The following GLRB variants were observed in gnomAD, a reference collection of about 807,000 sequenced individuals.
GLRB encodes glycine receptor beta, also known as glycine receptor subunit beta.
In GLRB, 33 loss-of-function variants were observed where a neutral mutation model predicts 54.2. That is an observed-to-expected ratio of 0.61 (90% CI 0.46 to 0.81). The LOEUF (loss-of-function observed/expected upper bound fraction) is 0.81, where lower values mean the gene tolerates loss of function less well. Ranked by LOEUF, GLRB falls within the 40% of genes least tolerant of loss-of-function variation. The pLI is 0.00. For synonymous variants in GLRB, 209 were observed against 208.2 expected, an observed-to-expected ratio of 1.00 and a Z score of -0.03; for missense variants, 572 against 584.6, an observed-to-expected ratio of 0.98 and a Z score of 0.22.
intron 9 of GLRB, among the ~76,000 whole-genome samples, chr4:157,162,694 G>A (rs1398077975): frequency 6.6e-6 from 1 of 152,162 alleles, no homozygotes; most frequent in African/African-American, 2.4e-5. Flanking sequence ...CCTTCCTCTG[G>A]AGGGTTCGTC....
intron 2 of GLRB, among the ~76,000 whole-genome samples, chr4:157,108,437 T>C (rs1383244690): frequency 6.8e-6 from 1 of 147,824 alleles, no homozygotes; most frequent in Admixed American, 6.8e-5. Flanking sequence ...AGAAGTTGAT[T>C]ATAACTTTTT....
rs186144827 is a variant in GLRB, at chr4:157,101,338, A to G, written c.123-19218A>G. Among the ~76,000 whole-genome samples, 1,432 of 152,242 alleles carry G rather than the reference A, an allele frequency of 9.4e-3. 10 individuals carry two copies. Among genetic ancestry groups the G allele is most frequent in the Non-Finnish European group, 0.014 (958 of 67,990 alleles). ...ATGTTCTGAATTGTTCTAAAATACA[A>G]TGTAGTATATTCCATATTTTATCTT... On this transcript the variant is annotated intron_variant, in intron 2 of 9. Transcript: ENST00000264428.
chr4:157,079,250 TA>T (rs1734144853), intron 2 of GLRB, among the ~76,000 whole-genome samples: 2 of 152,234 alleles, frequency 1.3e-5, no homozygotes, highest in African/African-American at 4.8e-5. Context: ...CATCTTCAAT[TA>T]ATATTTCTCA....
intron 9 of GLRB, among the ~76,000 whole-genome samples, chr4:157,169,277 A>T (rs554621280): frequency 6.6e-6 from 1 of 152,282 alleles, no homozygotes; most frequent in African/African-American, 2.4e-5. Flanking sequence ...GGTGAATAGC[A>T]AAACTCAATG....
chr4:157,118,381 G>T (rs1324535205), intron 2 of GLRB, among the ~76,000 whole-genome samples: 1 of 151,526 alleles, frequency 6.6e-6, no homozygotes, highest in African/African-American at 2.4e-5. Flanking sequence ...TCCCACGTGC[G>T]CTCATTCTCT....
chr4:157,168,511 A>G (rs1280705440), intron 9 of GLRB, among the ~76,000 whole-genome samples: 1 of 152,194 alleles, frequency 6.6e-6, no homozygotes, highest in Non-Finnish European at 1.5e-5. Flanking sequence ...AAATCATGCT[A>G]TTAAATACTA....
chr4:157,131,142 G>A (rs1579224274), intron 4 of GLRB, among the ~76,000 whole-genome samples: 2 of 151,762 alleles, frequency 1.3e-5, no homozygotes, highest in South Asian at 4.1e-4. Context: ...AAGTTACATT[G>A]TCCTGGAGAA....
intron 9 of GLRB, among the ~76,000 whole-genome samples, chr4:157,156,547 G>C (rs908746099): frequency 6.6e-6 from 1 of 151,972 alleles, no homozygotes; most frequent in Non-Finnish European, 1.5e-5. Context: ...CTCTTACCTG[G>C]TTGCCCTGGC....
Position 157,171,173 on chromosome 4 carries a change from AG to A in GLRB, c.*446del, listed in dbSNP as rs1737909027. On this transcript the variant is annotated 3_prime_UTR_variant, in exon 10 of 10. Coordinates refer to ENST00000264428, the MANE Select transcript of GLRB (RefSeq NM_000824.5). ...GTAAAATTTTAGATGGTATTATCAC[AG>A]ATTTAAAAAGGTTGTATTACATATT... The A allele has an allele frequency of 6.5e-6, 1 of 153,144 alleles. No individual in the cohort carries two copies. The highest frequency in any genetic ancestry group is 2.4e-5 in the African/African-American group (1 of 41,588). The allele number at this position is 153,144 out of a possible 1,614,324, so 9.5% of individuals were successfully genotyped here.
chr4:157,106,986 G>A (rs1735250124), intron 2 of GLRB, among the ~76,000 whole-genome samples: 1 of 152,000 alleles, frequency 6.6e-6, no homozygotes, highest in African/African-American at 2.4e-5. Flanking sequence ...TCTGTGTCAT[G>A]TTTTGGTAAT....
At chr4:157,095,677 A>G (rs1734783120) in intron 2 of GLRB, among the ~76,000 whole-genome samples, 4 of 152,162 alleles carry the variant, frequency 2.6e-5, no homozygotes, top group Admixed American at 2.0e-4. Context: ...AACTTTTTTT[A>G]AAAAGACATA....
At chr4:157,077,515 A>C (rs1428941795) in intron 1 of GLRB, among the ~76,000 whole-genome samples, 1 of 152,096 alleles carries the variant, frequency 6.6e-6, no homozygotes, top group African/African-American at 2.4e-5. Flanking sequence ...TTTCTTTAAA[A>C]TACATTATTT....
At chr4:157,168,424 A>G (rs557089253) in intron 9 of GLRB, among the ~76,000 whole-genome samples, 1 of 152,302 alleles carries the variant, frequency 6.6e-6, no homozygotes, top group African/African-American at 2.4e-5. Context: ...TACTTTCATC[A>G]TATAAACTTC....
At chr4:157,128,477 A>G (rs1234929840) in intron 4 of GLRB, among the ~76,000 whole-genome samples, 1 of 151,846 alleles carries the variant, frequency 6.6e-6, no homozygotes, top group Non-Finnish European at 1.5e-5. Flanking sequence ...ATAATACTAC[A>G]CAACTTCCTG....
chr4:157,104,187 C>A (rs1039037643), intron 2 of GLRB, among the ~76,000 whole-genome samples: 1 of 152,046 alleles, frequency 6.6e-6, no homozygotes, highest in African/African-American at 2.4e-5. Context: ...TCTCTGTGAG[C>A]TTTTCATATA....
At chr4:157,134,870 G>A (rs1487569651) in intron 4 of GLRB, among the ~76,000 whole-genome samples, 3 of 149,906 alleles carry the variant, frequency 2.0e-5, no homozygotes, top group Non-Finnish European at 4.4e-5. Flanking sequence ...GCAATTGGTA[G>A]TAGAGTTAAT....
chr4:157,122,627 T>G (rs1487671624), intron 4 of GLRB, among the ~76,000 whole-genome samples: 1 of 151,686 alleles, frequency 6.6e-6, no homozygotes, highest in Non-Finnish European at 1.5e-5. Context: ...TTAAAAGAAT[T>G]GATGTATTCC....
chr4:157,108,014 T>G (rs190292316), intron 2 of GLRB, among the ~76,000 whole-genome samples: 63 of 152,186 alleles, frequency 4.1e-4, no homozygotes, highest in African/African-American at 1.4e-3. Flanking sequence ...CAACAAAGAC[T>G]GGGTAACAGC....
intron 9 of GLRB, among the ~76,000 whole-genome samples, chr4:157,162,662 A>T (rs1420954085): frequency 1.3e-5 from 2 of 152,102 alleles, no homozygotes; most frequent in Admixed American, 6.5e-5. Flanking sequence ...ATATTGCAGA[A>T]CAGCAAATGT....
Sources: allele counts gnomAD v4.1 joint callset (sites outside exome capture counted in the v4.1 genomes callset), GRCh38; gene constraint gnomAD v4.1.1; transcripts MANE v1.5; gene names NCBI Gene and HGNC (gene_info 2026-07-23, HGNC 2026-07-21).